Variants in EPHA3 observed in about 807,000 individuals in gnomAD.
The protein encoded by EPHA3 is ephrin type-A receptor 3.
Under a neutral mutation model 107.1 loss-of-function variants are expected in EPHA3, and 42 were observed. The observed-to-expected ratio is 0.39, with a 90% CI of 0.31 to 0.51. The LOEUF (loss-of-function observed/expected upper bound fraction) is 0.51. EPHA3 is among the 20% of genes least tolerant of loss of function. The pLI is 0.78. For synonymous variants in EPHA3, 461 were observed against 424.8 expected (o/e 1.09, Z -1.05); for missense variants, 1,183 against 1,211.2 (o/e 0.98, Z 0.35).
At chr3:89,214,604 A>AT (rs1046762147) in intron 3 of EPHA3, among the ~76,000 whole-genome samples, 22 of 151,820 alleles carry the variant, frequency 1.4e-4, no homozygotes, top group Non-Finnish European at 3.0e-4. Flanking sequence ...CTAAAGAGAC[A>AT]TTTTTTTTGT....
intron 3 of EPHA3, among the ~76,000 whole-genome samples, chr3:89,213,545 T>A (rs573512725): frequency 3.1e-4 from 47 of 152,116 alleles, no homozygotes; most frequent in African/African-American, 1.1e-3. Flanking sequence ...AATAATAGAT[T>A]CATCTGACTT....
intron 3 of EPHA3, among the ~76,000 whole-genome samples, chr3:89,266,228 T>C (rs1018356576): frequency 1.3e-5 from 2 of 152,148 alleles, no homozygotes; most frequent in African/African-American, 4.8e-5. Context: ...ATAAAGAAAC[T>C]GAAACCTACA....
chr3:89,416,673 AT>A (rs1250676709), intron 10 of EPHA3, among the ~76,000 whole-genome samples: 39 of 151,356 alleles, frequency 2.6e-4, no homozygotes, highest in Non-Finnish European at 1.5e-5. Context: ...ATTGGCGGCT[AT>A]TTCTAGTGTT....
intron 3 of EPHA3, among the ~76,000 whole-genome samples, chr3:89,293,743 T>C (rs986724504): frequency 2.0e-5 from 3 of 152,160 alleles, no homozygotes; most frequent in African/African-American, 7.2e-5. Context: ...ACTGCCACGA[T>C]TGTAAGTTTC....
chr3:89,133,399 AGT>A (rs1317277339), intron 2 of EPHA3, among the ~76,000 whole-genome samples: 2 of 152,180 alleles, frequency 1.3e-5, no homozygotes, highest in African/African-American at 2.4e-5. Flanking sequence ...TATTAGTCAA[AGT>A]AGGAACCATT....
At chr3:89,394,031 T>G (rs1473678316) in intron 5 of EPHA3, among the ~76,000 whole-genome samples, 2 of 152,186 alleles carry the variant, frequency 1.3e-5, no homozygotes, top group Admixed American at 6.5e-5. Flanking sequence ...TGAAAAGATA[T>G]TAATTCCTAA....
At chr3:89,352,773 G>A (rs189577555) in intron 5 of EPHA3, among the ~76,000 whole-genome samples, 2 of 150,206 alleles carry the variant, frequency 1.3e-5, no homozygotes, top group Non-Finnish European at 3.0e-5. Context: ...CATGATGGCA[G>A]GTGCCTGTAA....
At chr3:89,323,542 C>A (rs1481804889) in intron 3 of EPHA3, among the ~76,000 whole-genome samples, 1 of 152,026 alleles carries the variant, frequency 6.6e-6, no homozygotes, top group Non-Finnish European at 1.5e-5. Context: ...TTGGTATGAT[C>A]ATAATTTTTT....
intron 10 of EPHA3, among the ~76,000 whole-genome samples, chr3:89,418,045 G>T (rs1709283044): frequency 6.6e-6 from 1 of 151,218 alleles, no homozygotes; most frequent in Non-Finnish European, 1.5e-5. Flanking sequence ...CAAACCACTT[G>T]CTTGAAAACA....
chr3:89,244,239 C>T (rs566906793), intron 3 of EPHA3, among the ~76,000 whole-genome samples: 35 of 151,986 alleles, frequency 2.3e-4, no homozygotes, highest in African/African-American at 7.7e-4. Context: ...AATAAAATAG[C>T]TAGGTTACCA....
chr3:89,150,509 G>T (rs945413486), intron 2 of EPHA3, among the ~76,000 whole-genome samples: 3 of 151,926 alleles, frequency 2.0e-5, no homozygotes, highest in African/African-American at 7.2e-5. Flanking sequence ...TCTAGAGTAG[G>T]TAATAGCTAA....
chr3:89,440,139 C>G (rs557762163), intron 13 of EPHA3, among the ~76,000 whole-genome samples: 45 of 152,006 alleles, frequency 3.0e-4, no homozygotes, highest in African/African-American at 1.1e-3. Flanking sequence ...CCTTTGGGAG[C>G]CTTCTTGGAT....
chr3:89,459,670 TC>T (rs1440619621), intron 15 of EPHA3, among the ~76,000 whole-genome samples: 1 of 152,018 alleles, frequency 6.6e-6, no homozygotes, highest in Non-Finnish European at 1.5e-5. Flanking sequence ...TTATAGGCAC[TC>T]CCCACCATGC....
intron 2 of EPHA3, among the ~76,000 whole-genome samples, chr3:89,168,286 G>A (rs1328473057): frequency 1.3e-5 from 2 of 152,112 alleles, no homozygotes; most frequent in African/African-American, 4.8e-5. Context: ...AATACTTCTT[G>A]TGCCAAACAT....
intron 2 of EPHA3, among the ~76,000 whole-genome samples, chr3:89,202,220 C>A (rs1023396744): frequency 1.3e-4 from 19 of 151,920 alleles, no homozygotes; most frequent in Non-Finnish European, 2.2e-4. Flanking sequence ...TGTGGCCAAG[C>A]GTGGTGTCTC....
chr3:89,356,870 C>T (rs1042590354), intron 5 of EPHA3, among the ~76,000 whole-genome samples: 2 of 149,846 alleles, frequency 1.3e-5, no homozygotes, highest in Admixed American at 6.7e-5. Context: ...TTTGGGCAGC[C>T]GAGGCGGGCA....
chr3:89,426,085 T>C (rs1315073842), intron 11 of EPHA3, among the ~76,000 whole-genome samples: 1 of 151,718 alleles, frequency 6.6e-6, no homozygotes, highest in Non-Finnish European at 1.5e-5. Flanking sequence ...AGTACTTTCA[T>C]TGAGTTTAGT....
chr3:89,176,426 G>A (rs1213919924), intron 2 of EPHA3, among the ~76,000 whole-genome samples: 2 of 150,044 alleles, frequency 1.3e-5, no homozygotes, highest in Non-Finnish European at 3.0e-5. Context: ...CCACCCAGGA[G>A]GCAGAGGTTG....
At chr3:89,403,044 C>T (rs1027244426) in intron 7 of EPHA3, among the ~76,000 whole-genome samples, 1 of 152,172 alleles carries the variant, frequency 6.6e-6, no homozygotes, top group Non-Finnish European at 1.5e-5. Context: ...CTTGGTAGAA[C>T]ACAATGTATT....
Sources: gnomAD v4.1 joint callset for allele counts (sites outside exome capture counted in the v4.1 genomes callset) on GRCh38, gnomAD v4.1.1 for gene constraint, MANE v1.5 for transcripts, NCBI Gene and HGNC (gene_info 2026-07-23, HGNC 2026-07-21) for gene names.